CFAP74: variants seen among roughly 807,000 people sequenced by gnomAD.
The protein encoded by CFAP74 is cilia- and flagella-associated protein 74.
CFAP74 carries 124 observed loss-of-function variants against 188.9 expected under a neutral mutation model. The ratio of observed to expected loss-of-function variants is 0.66; its 90% CI spans 0.57 to 0.76. The LOEUF is 0.76. Ranked by LOEUF, CFAP74 falls within the 30% of genes least tolerant of loss-of-function variation. The pLI is 0.00. For synonymous variants in CFAP74, 956 were observed against 916.7 expected, an observed-to-expected ratio of 1.04 and a Z score of -0.77; for missense variants, 2,198 against 2,165.2, an observed-to-expected ratio of 1.02 and a Z score of -0.30.
chr1:1,939,531 C>T, intron 24 of CFAP74, 63 bp downstream of exon 24: 1 of 1,456,790 alleles, frequency 6.9e-7, no homozygotes, highest in African/African-American at 1.4e-5. Flanking sequence ...GTGGCCGCTG[C>T]ATCCTGTCCC....
intron 13 of CFAP74, 77 bp downstream of exon 13, chr1:1,964,809 CAG>C: frequency 3.3e-6 from 5 of 1,518,580 alleles, no homozygotes; most frequent in Non-Finnish European, 4.5e-6. Context: ...CAAAAGGTGT[CAG>C]GGGTTGGGCT....
chr1:1,974,961 C>T (rs149621795), intron 6 of CFAP74, among the ~76,000 whole-genome samples: 43 of 152,300 alleles, frequency 2.8e-4, no homozygotes, highest in African/African-American at 7.0e-4. Context: ...TGCAAGGAGC[C>T]GCTCCTGGAG....
intron 1 of CFAP74, among the ~76,000 whole-genome samples, chr1:1,991,690 A>C (rs13303332): frequency 1.2e-4 from 18 of 152,110 alleles, no homozygotes; most frequent in Non-Finnish European, 2.5e-4. Flanking sequence ...TAACATCAGT[A>C]TCTTTAAGGA....
Position 1,924,520 on chromosome 1 carries a change from G to C in CFAP74, c.4105C>G (p.Leu1369Val), listed in dbSNP as rs1439298564. The C allele has an allele frequency of 3.1e-6, 5 of 1,603,502 alleles. No individual in the cohort carries two copies. In the Admixed American group the frequency reaches 5.1e-5, roughly 16 times the overall value. The change falls in exon 34 of 39, where the codon CTG (leucine) becomes GTG (valine). Residue 1369 changes from leucine (L) to valine (V), a missense_variant and splice_region_variant. Coordinates refer to ENST00000682832, the MANE Select transcript of CFAP74 (RefSeq NM_001304360.2). ...ATGGGGAGCAGAGAGTTGTTCTGCA[G>C]CTGCAGAGAGCAGGCCGCGGTCACT... Reference protein sequence around the residue: ...AGESVSSGFKLQNNSLLPIKF... With the variant: ...AGESVSSGFKVQNNSLLPIKF...
Position 1,963,598 on chromosome 1 carries a change from G to C in CFAP74, c.1694+151C>G, listed in dbSNP as rs1472476520. ...CGGACGACTTTGACACAAGAAGACA[G>C]AGGAGCCCCCTCTACAAAATCTTCG... On this transcript the variant is annotated intron_variant, in intron 14 of 38. Coordinates refer to ENST00000682832, the MANE Select transcript of CFAP74 (RefSeq NM_001304360.2). 9.3e-6 allele frequency: 5 copies of C among 539,686 alleles called. No homozygotes were observed. In the Admixed American group the frequency reaches 1.2e-4, roughly 13 times the overall value. The allele number at this position is 539,686 out of a possible 1,614,324, so 33.4% of individuals were successfully genotyped here.
At position 1,963,841 on chromosome 1, in the gene CFAP74, C is replaced by A. The variant is rs1343559784; in HGVS notation, c.1602G>T (p.Lys534Asn). 1 of 1,613,696 alleles carries A rather than the reference C, an allele frequency of 6.2e-7. No individual in the cohort carries two copies. The change falls in exon 14 of 39, where the codon AAG becomes AAT. Residue 534 changes from lysine to asparagine, a missense_variant. Transcript: ENST00000682832. ...TGGTGTTTACCAACGTGATCTTTTT[C>A]TTGTACACTTTGCCAATATCAAAGT... ...FQDFDIGKVY[K>N]KKITLVNTTY...
chr1:1,998,042 C>G (rs960918515), intron 1 of CFAP74, among the ~76,000 whole-genome samples: 3 of 152,214 alleles, frequency 2.0e-5, no homozygotes, highest in Admixed American at 2.0e-4. Flanking sequence ...CTTTGGGAGG[C>G]TGAGGCGGGT....
chr1:1,971,963 G>C lies in CFAP74; in HGVS notation c.888+17C>G. ...AGGGCGCCAAGGGAGAGGCTGGGTG[G>C]GGCTGCGGGGGCCTACCCGGTTCGC... On this transcript the variant is annotated intron_variant, in intron 9 of 38. Transcript: ENST00000682832. 1 of 1,594,972 alleles carries C rather than the reference G, an allele frequency of 6.3e-7. No individual in the cohort carries two copies. The highest frequency in any genetic ancestry group is 8.5e-7 in the Non-Finnish European group (1 of 1,170,130).
chr1:1,974,486 T>C (rs1472689714), intron 6 of CFAP74, among the ~76,000 whole-genome samples: 1 of 152,200 alleles, frequency 6.6e-6, no homozygotes, highest in Non-Finnish European at 1.5e-5. Flanking sequence ...TTGGCTGCGG[T>C]GGGCCTGGGG....
intron 6 of CFAP74, among the ~76,000 whole-genome samples, chr1:1,974,870 G>A (rs138283643): frequency 6.6e-6 from 1 of 152,362 alleles, no homozygotes; most frequent in East Asian, 1.9e-4. Flanking sequence ...TCCTTCTGAG[G>A]ATGTGGACAG....
Position 1,988,437 on chromosome 1 carries a change from C to T in CFAP74, c.296+75G>A, listed in dbSNP as rs938456480. 8 of 1,574,148 alleles carry T rather than the reference C, an allele frequency of 5.1e-6. No individual in the cohort carries two copies. The African/African-American group carries it at 9.4e-5, about 19-fold the overall frequency. On this transcript the variant is annotated intron_variant, in intron 4 of 38. Coordinates refer to ENST00000682832, the MANE Select transcript of CFAP74 (RefSeq NM_001304360.2). ...CTCAGGGTGACGACAGGTACAGGACCACCCCTGCTGCACCCATGTCACGGC... is the reference window on the plus strand; with the variant it reads ...CTCAGGGTGACGACAGGTACAGGACTACCCCTGCTGCACCCATGTCACGGC...
Position 1,947,050 on chromosome 1 carries a change from T to C in CFAP74, c.2181A>G (p.Pro727=). 1.3e-6 allele frequency: 2 copies of C among 1,535,776 alleles called. No homozygotes were observed. The highest frequency in any genetic ancestry group is 1.7e-6 in the Non-Finnish European group (2 of 1,146,558). Residue 727 remains proline (P), a synonymous_variant, in exon 19 of 39, where the codon CCA becomes CCG. Coordinates refer to ENST00000682832, the MANE Select transcript of CFAP74 (RefSeq NM_001304360.2). ...GAGGTATCACTGTGGTTAATCTCTCTGGTTCTGGAAGAGAAGGGGGATCCA... is the reference window on the plus strand; with the variant it reads ...GAGGTATCACTGTGGTTAATCTCTCCGGTTCTGGAAGAGAAGGGGGATCCA... The part of the protein sequence containing the change: ...KEQEEEQPAE[P]ERLTTVIPPS...
intron 29 of CFAP74, 30 bp downstream of exon 29, chr1:1,926,864 A>C: frequency 1.3e-6 from 2 of 1,549,626 alleles, no homozygotes; most frequent in Non-Finnish European, 1.7e-6. Flanking sequence ...GCGGCTGACC[A>C]CACCCTGTTC....
chr1:2,001,809 G>T (rs538491707), intron 1 of CFAP74, among the ~76,000 whole-genome samples: 1 of 152,310 alleles, frequency 6.6e-6, no homozygotes, highest in African/African-American at 2.4e-5. Context: ...TCCGAGACGT[G>T]CAGTGGGAAT....
chr1:1,940,456 G>T, intron 22 of CFAP74, 53 bp from the exon 23 acceptor site: 1 of 1,250,352 alleles, frequency 8.0e-7, no homozygotes, highest in South Asian at 1.5e-5. Context: ...TTTGTGAAAT[G>T]ACAATAAGAC....
intron 13 of CFAP74, among the ~76,000 whole-genome samples, chr1:1,964,323 G>T (rs1435620367): frequency 3.3e-5 from 5 of 152,230 alleles, no homozygotes; most frequent in African/African-American, 9.6e-5. Flanking sequence ...AGGTTCAGGG[G>T]ACCCCCACTG....
chr1:2,000,138 T>C (rs1167990575), intron 1 of CFAP74, among the ~76,000 whole-genome samples: 1 of 152,126 alleles, frequency 6.6e-6, no homozygotes. Flanking sequence ...CACTCCAGCC[T>C]GGGCGACAGA....
intron 1 of CFAP74, among the ~76,000 whole-genome samples, chr1:1,996,274 T>G (rs1000189443): frequency 6.6e-6 from 1 of 152,170 alleles, no homozygotes; most frequent in Non-Finnish European, 1.5e-5. Flanking sequence ...TGTGAACCAC[T>G]GTGCCTGCCC....
At position 1,926,900 on chromosome 1, in the gene CFAP74, C is replaced by T; in HGVS notation, c.3656G>A (p.Ser1219Asn). Residue 1219 changes from serine (S) to asparagine (N), a missense_variant, in exon 29 of 39, where the codon AGC becomes AAC. Ser to Asn is a conservative substitution (Grantham distance 46). Coordinates refer to ENST00000682832, the MANE Select transcript of CFAP74 (RefSeq NM_001304360.2). ...IKDRKGSEPL[S>N]FSPHNTLYLE... Reference sequence around the variant, plus strand: ...TGGCCAGAGCACCCCGCACCTGAAGCTCAGGGGTTCTGACCCCTTCCTGTC... The same window carrying T: ...TGGCCAGAGCACCCCGCACCTGAAGTTCAGGGGTTCTGACCCCTTCCTGTC... The T allele has an allele frequency of 3.9e-6, 6 of 1,550,044 alleles. No homozygotes were observed. The highest frequency in any genetic ancestry group is 5.2e-6 in the Non-Finnish European group (6 of 1,146,776).
Sources: allele counts gnomAD v4.1 joint callset (sites outside exome capture counted in the v4.1 genomes callset), GRCh38; gene constraint gnomAD v4.1.1; transcripts MANE v1.5; gene names NCBI Gene and HGNC (gene_info 2026-07-23, HGNC 2026-07-21).